Variants in TRPS1 observed in about 807,000 individuals in gnomAD.
TRPS1 encodes transcriptional repressor GATA binding 1.
A neutral mutation model predicts 101.2 loss-of-function variants in TRPS1; 6 were observed. That is an observed-to-expected ratio of 0.06 (90% confidence interval 0.03 to 0.12). The LOEUF (loss-of-function observed/expected upper bound fraction) is 0.12. Among genes scored for constraint, TRPS1 ranks in the 10% least tolerant of loss-of-function variants. The pLI is 1.00. For missense variants in TRPS1, 1,363 were observed against 1,567.0 expected (o/e 0.87, Z 2.20); for synonymous variants, 578 against 589.8 (o/e 0.98, Z 0.29).
At chr8:115,432,485 T>G (rs1813345821) in intron 5 of TRPS1, among the ~76,000 whole-genome samples, 1 of 151,824 alleles carries the variant, frequency 6.6e-6, no homozygotes, top group Non-Finnish European at 1.5e-5. Context: ...CATATAATTT[T>G]TATTCATATT....
chr8:115,503,164 G>C (rs956945224), intron 5 of TRPS1, among the ~76,000 whole-genome samples: 5 of 150,278 alleles, frequency 3.3e-5, no homozygotes, highest in Non-Finnish European at 5.9e-5. Flanking sequence ...TGAGGCAGGA[G>C]AATGGCATGA....
chr8:115,426,844 C>T (rs753228171), intron 5 of TRPS1, among the ~76,000 whole-genome samples: 13 of 152,110 alleles, frequency 8.5e-5, no homozygotes, highest in Non-Finnish European at 1.5e-4. Flanking sequence ...TTCAGATTTA[C>T]GGTGAATTAC....
At chr8:115,631,146 C>A (rs1818632594) in intron 1 of TRPS1, among the ~76,000 whole-genome samples, 1 of 152,034 alleles carries the variant, frequency 6.6e-6, no homozygotes, top group African/African-American at 2.4e-5. Context: ...AAGCCCTCTA[C>A]AATTTTCACA....
chr8:115,550,683 C>A (rs968369729), intron 5 of TRPS1, among the ~76,000 whole-genome samples: 1 of 152,154 alleles, frequency 6.6e-6, no homozygotes, highest in Non-Finnish European at 1.5e-5. Flanking sequence ...GTAAGAAATT[C>A]TTGACATTGA....
At chr8:115,419,950 TA>T (rs527375138) in intron 5 of TRPS1, among the ~76,000 whole-genome samples, 46 of 152,304 alleles carry the variant, frequency 3.0e-4, no homozygotes, top group African/African-American at 1.1e-3. Context: ...TGAGGGCTGG[TA>T]AGCTGCACAG....
chr8:115,489,109 C>T (rs1814959240), intron 5 of TRPS1, among the ~76,000 whole-genome samples: 4 of 152,148 alleles, frequency 2.6e-5, no homozygotes, highest in Admixed American at 2.6e-4. Flanking sequence ...ATCCTGCCCC[C>T]ATTCTTATGC....
At chr8:115,519,041 G>T (rs1244696715) in intron 5 of TRPS1, among the ~76,000 whole-genome samples, 1 of 151,730 alleles carries the variant, frequency 6.6e-6, no homozygotes, top group African/African-American at 2.4e-5. Context: ...GCAACATGAA[G>T]TGATGAAAAT....
chr8:115,548,057 C>T (rs574371287), intron 5 of TRPS1, among the ~76,000 whole-genome samples: 37 of 151,036 alleles, frequency 2.4e-4, no homozygotes, highest in Admixed American at 2.4e-3. Context: ...TAGTGAAACA[C>T]CATCTCTACA....
chr8:115,522,388 T>C (rs1426530052), intron 5 of TRPS1, among the ~76,000 whole-genome samples: 3 of 152,054 alleles, frequency 2.0e-5, no homozygotes, highest in Admixed American at 6.6e-5. Flanking sequence ...CCACACTTTA[T>C]ACAAGCAATG....
At chr8:115,586,714 G>A (rs564540824) in intron 5 of TRPS1, among the ~76,000 whole-genome samples, 1 of 152,228 alleles carries the variant, frequency 6.6e-6, no homozygotes, top group East Asian at 1.9e-4. Context: ...TCCAAATATG[G>A]CCTTGTTGTT....
intron 3 of TRPS1, among the ~76,000 whole-genome samples, chr8:115,609,548 G>A (rs754445691): frequency 2.6e-5 from 4 of 152,052 alleles, no homozygotes; most frequent in East Asian, 1.9e-4. Context: ...CCTGAGATTC[G>A]CTGGCCACAG....
chr8:115,631,911 A>T (rs1045833606), intron 1 of TRPS1, among the ~76,000 whole-genome samples: 2 of 152,134 alleles, frequency 1.3e-5, no homozygotes, highest in Non-Finnish European at 2.9e-5. Context: ...GGCACAGATC[A>T]AGAAATGTAC....
At chr8:115,627,674 GA>G (rs1382691704) in intron 1 of TRPS1, among the ~76,000 whole-genome samples, 2 of 151,880 alleles carry the variant, frequency 1.3e-5, no homozygotes, top group East Asian at 3.9e-4. Context: ...AACTATCATT[GA>G]ATAGTAAAGG....
At position 115,658,813 on chromosome 8, in the gene TRPS1, T is replaced by C. The variant is rs1586503268; in HGVS notation, c.-122+9732A>G. Among the ~76,000 whole-genome samples, 4 of 152,232 alleles carry C rather than the reference T, an allele frequency of 2.6e-5. No homozygotes were observed. The East Asian group carries it at 5.8e-4, about 22-fold the overall frequency. On this transcript the variant is annotated intron_variant, in intron 1 of 6. Transcript: ENST00000395715. ...ATATGTGTAATGTTGAATAAAAATA[T>C]GTATAACACTAAAAAGCTGAATGTT...
At chr8:115,448,801 G>T (rs1017873000) in intron 5 of TRPS1, among the ~76,000 whole-genome samples, 4 of 152,118 alleles carry the variant, frequency 2.6e-5, no homozygotes, top group African/African-American at 9.7e-5. Flanking sequence ...TCTGACTCCT[G>T]GATATTTGAT....
chr8:115,443,909 C>T (rs1230138297), intron 5 of TRPS1, among the ~76,000 whole-genome samples: 5 of 152,184 alleles, frequency 3.3e-5, no homozygotes, highest in African/African-American at 9.7e-5. Flanking sequence ...TAAACAAATA[C>T]TTCAACTTGA....
At chr8:115,566,387 T>C (rs1311297194) in intron 5 of TRPS1, among the ~76,000 whole-genome samples, 1 of 152,102 alleles carries the variant, frequency 6.6e-6, no homozygotes, top group East Asian at 1.9e-4. Context: ...GTTGGCAAAA[T>C]AGAAAATGGA....
At chr8:115,542,050 G>A (rs1372752707) in intron 5 of TRPS1, among the ~76,000 whole-genome samples, 2 of 152,166 alleles carry the variant, frequency 1.3e-5, no homozygotes, top group African/African-American at 4.8e-5. Flanking sequence ...GTAGCAGCAA[G>A]TGGAAGAGAA....
chr8:115,512,753 T>C (rs1815616653), intron 5 of TRPS1, among the ~76,000 whole-genome samples: 1 of 151,756 alleles, frequency 6.6e-6, no homozygotes, highest in Admixed American at 6.6e-5. Context: ...CATAAATATA[T>C]GGTCATGTAA....
Sources: gnomAD v4.1 joint callset for allele counts (sites outside exome capture counted in the v4.1 genomes callset) on GRCh38, gnomAD v4.1.1 for gene constraint, MANE v1.5 for transcripts, NCBI Gene and HGNC (gene_info 2026-07-23, HGNC 2026-07-21) for gene names.